POLA1: variants seen among roughly 807,000 people sequenced by gnomAD.
POLA1 encodes the protein DNA polymerase alpha catalytic subunit.
In POLA1, 15 loss-of-function variants were observed where a neutral mutation model predicts 124.0. That is an observed-to-expected ratio of 0.12 (90% CI 0.08 to 0.19). The LOEUF (loss-of-function observed/expected upper bound fraction) is 0.19. Among genes scored for constraint, POLA1 ranks in the 10% least tolerant of loss-of-function variants. POLA1 has a pLI of 1.00. For synonymous variants in POLA1, 408 were observed against 389.4 expected, an observed-to-expected ratio of 1.05 and a Z score of -0.56; for missense variants, 886 against 1,103.4, an observed-to-expected ratio of 0.80 and a Z score of 2.79.
chrX:24,776,108 G>T (rs910339765), intron 26 of POLA1, among the ~76,000 whole-genome samples: 17 of 111,895 alleles, frequency 1.5e-4, no homozygotes, highest in Non-Finnish European at 2.1e-4. Flanking sequence ...CATAGTCCAA[G>T]CAGGTTTTAT....
intron 34 of POLA1, among the ~76,000 whole-genome samples, chrX:24,869,578 T>C (rs2046839457): frequency 8.9e-6 from 1 of 112,340 alleles, no homozygotes; most frequent in African/African-American, 3.2e-5. Flanking sequence ...GCCATCTGAA[T>C]TAATCTCGAT....
At chrX:24,850,231 A>G (rs1342159842) in intron 34 of POLA1, among the ~76,000 whole-genome samples, 1 of 112,692 alleles carries the variant, frequency 8.9e-6, no homozygotes. Context: ...GTTCTCACAG[A>G]AAAATTAAGA....
intron 34 of POLA1, among the ~76,000 whole-genome samples, chrX:24,857,124 A>AT (rs1463353277): frequency 5.4e-5 from 6 of 111,744 alleles, no homozygotes; most frequent in African/African-American, 2.0e-4. Flanking sequence ...GCAGAGTTCA[A>AT]TTTTTTTCTT....
rs778840505 is a variant in POLA1 at position 24,996,124 on chromosome X, C to T, written c.*174C>T. On this transcript the variant is annotated 3_prime_UTR_variant, in exon 37 of 37. Coordinates refer to ENST00000379068, the MANE Select transcript of POLA1 (RefSeq NM_001330360.2). ...CTGCAAAAATGTTGAGTCTAATGTT[C>T]GTAAGCATCATAGAAATTCCTGTCT... 27 of 411,392 alleles carry T rather than the reference C, an allele frequency of 6.6e-5. No homozygotes were observed. Among genetic ancestry groups the T allele is most frequent in the African/African-American group, 1.3e-4 (5 of 39,564 alleles). The allele number at this position is 411,392 out of a possible 1,213,427, so 33.9% of individuals were successfully genotyped here.
chrX:24,863,160 T>C (rs978437411), intron 34 of POLA1, among the ~76,000 whole-genome samples: 15 of 111,602 alleles, frequency 1.3e-4, no homozygotes, highest in African/African-American at 3.6e-4. Context: ...TTGAAAATCA[T>C]AGTTTAATAT....
At chrX:24,901,805 T>G (rs1426930738) in intron 35 of POLA1, among the ~76,000 whole-genome samples, 1 of 111,750 alleles carries the variant, frequency 8.9e-6, no homozygotes, top group Non-Finnish European at 1.9e-5. Context: ...GGCTACTGAT[T>G]CTCAATTGAA....
intron 34 of POLA1, among the ~76,000 whole-genome samples, chrX:24,863,958 CTATTTATTTATTTATTTATT>C (rs61095074): frequency 6.0e-4 from 58 of 96,974 alleles, no homozygotes; most frequent in African/African-American, 2.2e-3. Flanking sequence ...TTTTCTGGAA[CTATTTATTTATTTATTTATT>C]TATTTATTTA....
At chrX:24,716,539 C>T in intron 7 of POLA1, 85 bp downstream of exon 7, 1 of 523,720 alleles carries the variant, frequency 1.9e-6, no homozygotes, top group Non-Finnish European at 3.3e-6. Context: ...AGGGAAATAC[C>T]TTTACATTTG....
chrX:24,881,908 G>C (rs2047007749), intron 34 of POLA1, among the ~76,000 whole-genome samples: 1 of 111,679 alleles, frequency 9.0e-6, no homozygotes, highest in Admixed American at 9.5e-5. Context: ...GTTTGTGTAA[G>C]AGAATGATGA....
At chrX:24,892,929 T>G (rs2047160200) in intron 35 of POLA1, among the ~76,000 whole-genome samples, 1 of 112,124 alleles carries the variant, frequency 8.9e-6, no homozygotes, top group Admixed American at 9.4e-5. Context: ...TCCTCACTTG[T>G]AAAATTGCTA....
chrX:24,784,430 A>T (rs926154425), intron 26 of POLA1, among the ~76,000 whole-genome samples: 1 of 111,213 alleles, frequency 9.0e-6, no homozygotes, highest in African/African-American at 3.3e-5. Flanking sequence ...TTTTAAAAAT[A>T]TACATAAAAC....
At chrX:24,697,678 C>T (rs1267862095) in intron 1 of POLA1, among the ~76,000 whole-genome samples, 2 of 111,811 alleles carry the variant, frequency 1.8e-5, no homozygotes, top group African/African-American at 6.5e-5. Context: ...TCTTCTATTT[C>T]AGTCAAACAC....
rs1324958045 is a variant in POLA1, at chrX:24,910,135, G to T, written c.4165-20318G>T. 2.9e-5 allele frequency among the ~76,000 whole-genome samples: 3 copies of T among 103,415 alleles called. No homozygotes were observed. The Admixed American group carries it at 3.2e-4, about 11-fold the overall frequency. 89.8% of individuals were successfully genotyped at this position (103,415 alleles called of 115,157 possible). The stretch of plus-strand genomic sequence containing the variant: ...TGCTTATCAGCTTAAGGAGATTTTG[G>T]GCTGAGACAATGGGGTTTTCTAGAT... On this transcript the variant is annotated intron_variant, in intron 35 of 36. Transcript: ENST00000379068.
In POLA1 at chrX:24,888,002, C is replaced by G. The variant is rs1425462960; in HGVS notation, c.4048-4C>G. On this transcript the variant is annotated splice_region_variant and splice_polypyrimidine_tract_variant and intron_variant, in intron 34 of 36. Transcript: ENST00000379068. ...ATAAGTCTGAAGTTTTCCCTTCTCTCCAGGGCTGGTTGATATGTGAAGAGC... is the reference window on the plus strand; with the variant it reads ...ATAAGTCTGAAGTTTTCCCTTCTCTGCAGGGCTGGTTGATATGTGAAGAGC... 2.6e-6 allele frequency: 3 copies of G among 1,162,571 alleles called. No homozygotes were observed. The Admixed American group carries it at 6.6e-5, about 25-fold the overall frequency.
chrX:24,836,752 A>G (rs1601787937), intron 32 of POLA1, among the ~76,000 whole-genome samples: 1 of 111,435 alleles, frequency 9.0e-6, no homozygotes, highest in Non-Finnish European at 1.9e-5. Flanking sequence ...TTGGAAGTAT[A>G]TATTACAGTT....
At chrX:24,856,975 A>C (rs1230039571) in intron 34 of POLA1, among the ~76,000 whole-genome samples, 2 of 111,685 alleles carry the variant, frequency 1.8e-5, no homozygotes, top group African/African-American at 6.5e-5. Flanking sequence ...TGTCTTTCAC[A>C]GAGAAAAAGT....
intron 26 of POLA1, among the ~76,000 whole-genome samples, chrX:24,762,801 G>A (rs1932820508): frequency 9.1e-6 from 1 of 110,375 alleles, no homozygotes; most frequent in Non-Finnish European, 1.9e-5. Flanking sequence ...ACAGTGGCAT[G>A]ATCTTGGCTC....
At chrX:24,838,160 C>G (rs1263697900) in intron 32 of POLA1, among the ~76,000 whole-genome samples, 1 of 111,844 alleles carries the variant, frequency 8.9e-6, no homozygotes, top group Non-Finnish European at 1.9e-5. Context: ...TACTGCTAAA[C>G]TCATACACCC....
chrX:24,704,338 T>A, intron 3 of POLA1, 51 bp from the exon 4 acceptor site: 1 of 928,828 alleles, frequency 1.1e-6, no homozygotes, highest in Non-Finnish European at 1.6e-6. Flanking sequence ...GCTAAAATAT[T>A]ATTGGCCACT....
Sources: allele counts gnomAD v4.1 joint callset (sites outside exome capture counted in the v4.1 genomes callset), GRCh38; gene constraint gnomAD v4.1.1; transcripts MANE v1.5; gene names NCBI Gene and HGNC (gene_info 2026-07-23, HGNC 2026-07-21).